Variants in MSH4 observed in about 807,000 individuals in gnomAD.
MSH4 encodes the protein mutS homolog 4, also known as mutS protein homolog 4.
A neutral mutation model predicts 113.7 loss-of-function variants in MSH4; 106 were observed. The ratio of observed to expected loss-of-function variants is 0.93; its 90% CI spans 0.80 to 1.10. The LOEUF (loss-of-function observed/expected upper bound fraction) is 1.10. Among genes scored for constraint, MSH4 ranks in the 50% least tolerant of loss-of-function variants. The pLI is 0.00. For synonymous variants in MSH4, 368 were observed against 380.2 expected (o/e 0.97, Z 0.37); for missense variants, 1,061 against 1,093.7 (o/e 0.97, Z 0.42).
intron 13 of MSH4, 110 bp from the exon 14 acceptor site, chr1:75,881,136 G>T (rs1287899493): frequency 2.4e-6 from 2 of 819,000 alleles, no homozygotes; most frequent in African/African-American, 3.4e-5. Flanking sequence ...GTATAACTCA[G>T]ATGTGAATAT....
In MSH4 at chr1:75,881,331, C is replaced by T. The variant is rs754988641; in HGVS notation, c.1867C>T (p.Leu623=). The change falls in exon 14 of 20, where the codon CTA becomes TTA. Residue 623 remains leucine (L), a synonymous_variant. Coordinates refer to ENST00000263187, the MANE Select transcript of MSH4 (RefSeq NM_002440.4). ...TGACACTGTGTCAATGCTGGATATGCTACTGTCATTTGCTCATGCCTGCAC... is the reference window on the plus strand; with the variant it reads ...TGACACTGTGTCAATGCTGGATATGTTACTGTCATTTGCTCATGCCTGCAC... ...LSDTVSMLDM[L]LSFAHACTLS... The T allele has an allele frequency of 4.3e-6, 7 of 1,611,870 alleles. No individual in the cohort carries two copies. The highest frequency in any genetic ancestry group is 5.9e-6 in the Non-Finnish European group (7 of 1,178,938).
chr1:75,830,735 A>T (rs1404118058), intron 7 of MSH4, among the ~76,000 whole-genome samples: 2 of 152,176 alleles, frequency 1.3e-5, no homozygotes, highest in Non-Finnish European at 2.9e-5. Flanking sequence ...AGACAAACAA[A>T]TGCTGAGAGA....
chr1:75,834,044 C>G (rs971867742), intron 7 of MSH4, among the ~76,000 whole-genome samples: 6 of 152,004 alleles, frequency 3.9e-5, no homozygotes, highest in South Asian at 2.1e-4. Context: ...TCTGACAAAG[C>G]GCTAATATCC....
At chr1:75,848,453 A>G (rs1355819199) in intron 8 of MSH4, among the ~76,000 whole-genome samples, 177 bp downstream of exon 8, 1 of 152,116 alleles carries the variant, frequency 6.6e-6, no homozygotes, top group African/African-American at 2.4e-5. Flanking sequence ...ATTATCCTGT[A>G]TGTTATAGTG....
intron 7 of MSH4, among the ~76,000 whole-genome samples, chr1:75,841,460 A>T (rs1358014568): frequency 2.0e-5 from 3 of 151,942 alleles, no homozygotes; most frequent in South Asian, 2.1e-4. Context: ...AACCTCCCAA[A>T]GTGCTGGGAT....
At chr1:75,844,618 ACC>A (rs1192443875) in intron 7 of MSH4, among the ~76,000 whole-genome samples, 5 of 152,106 alleles carry the variant, frequency 3.3e-5, no homozygotes, top group Non-Finnish European at 5.9e-5. Flanking sequence ...AAGCCACCAC[ACC>A]TGGGCTGAAA....
intron 18 of MSH4, among the ~76,000 whole-genome samples, chr1:75,899,126 G>A (rs1395249648): frequency 1.3e-5 from 2 of 152,070 alleles, no homozygotes; most frequent in East Asian, 3.9e-4. Context: ...AAAAACATGA[G>A]AATTATAATT....
At chr1:75,832,437 A>T (rs948862945) in intron 7 of MSH4, among the ~76,000 whole-genome samples, 1 of 152,192 alleles carries the variant, frequency 6.6e-6, no homozygotes, top group Non-Finnish European at 1.5e-5. Context: ...TCATTTTATG[A>T]GGCTGGCAAC....
chr1:75,882,116 A>G (rs761540829), intron 14 of MSH4, among the ~76,000 whole-genome samples: 3 of 152,056 alleles, frequency 2.0e-5, no homozygotes, highest in Non-Finnish European at 2.9e-5. Flanking sequence ...GGAAATATTA[A>G]CTTTTTCTAT....
chr1:75,813,497 A>T (rs1208195573), intron 4 of MSH4, among the ~76,000 whole-genome samples: 1 of 152,116 alleles, frequency 6.6e-6, no homozygotes, highest in Non-Finnish European at 1.5e-5. Context: ...TTTTTTCATC[A>T]GTAAATTAGG....
intron 13 of MSH4, among the ~76,000 whole-genome samples, 169 bp from the exon 14 acceptor site, chr1:75,881,077 T>G (rs1040583067): frequency 6.6e-6 from 1 of 152,024 alleles, no homozygotes; most frequent in Admixed American, 6.6e-5. Flanking sequence ...AAACTTCAAT[T>G]TCCTCATCTC....
chr1:75,844,778 C>G (rs1039938536), intron 7 of MSH4, among the ~76,000 whole-genome samples: 1 of 152,170 alleles, frequency 6.6e-6, no homozygotes, highest in South Asian at 2.1e-4. Flanking sequence ...ACATGCAAGA[C>G]ACTTTACACA....
intron 8 of MSH4, among the ~76,000 whole-genome samples, chr1:75,865,880 G>A (rs1651551874): frequency 6.8e-6 from 1 of 148,014 alleles, no homozygotes; most frequent in Non-Finnish European, 1.5e-5. Context: ...TAGGTTGAGG[G>A]AAGGGCCATG....
rs569637301 is a variant in MSH4, at chr1:75,848,227, A to G, written c.1181A>G (p.Asp394Gly). 7 of 1,608,664 alleles carry G rather than the reference A, an allele frequency of 4.4e-6. No individual in the cohort carries two copies. In the South Asian group the frequency reaches 7.7e-5, roughly 18 times the overall value. The change falls in exon 8 of 20, where the codon GAT becomes GGT. Residue 394 changes from aspartate to glycine, a missense_variant. Coordinates refer to ENST00000263187, the MANE Select transcript of MSH4 (RefSeq NM_002440.4). ...GLQSVISRFL[D>G]TEQLLSVLVQ... ...GTTTCAGTTATATCAAGATTTCTTG[A>G]TACAGAGCAGCTTCTTTCTGTTTTA...
At chr1:75,805,979 G>T (rs1173230063) in intron 2 of MSH4, among the ~76,000 whole-genome samples, 1 of 151,850 alleles carries the variant, frequency 6.6e-6, no homozygotes, top group African/African-American at 2.4e-5. Context: ...TTCAACATTT[G>T]ATATTGTTAG....
intron 8 of MSH4, among the ~76,000 whole-genome samples, chr1:75,860,162 A>G (rs183321970): frequency 1.5e-3 from 220 of 151,594 alleles, no homozygotes; most frequent in African/African-American, 5.2e-3. Context: ...GTGTCTTTGC[A>G]TGTGTGATGG....
chr1:75,833,970 A>G (rs1414659584), intron 7 of MSH4, among the ~76,000 whole-genome samples: 1 of 152,216 alleles, frequency 6.6e-6, no homozygotes, highest in Non-Finnish European at 1.5e-5. Context: ...TGCACAGCAA[A>G]AGAAACTATC....
At chr1:75,898,930 T>C (rs981921379) in intron 18 of MSH4, among the ~76,000 whole-genome samples, 10 of 152,184 alleles carry the variant, frequency 6.6e-5, no homozygotes, top group African/African-American at 2.4e-4. Context: ...GGGAATAATT[T>C]TTTATATATG....
rs143883790 is a variant in MSH4 at position 75,870,426 on chromosome 1, G to C, written c.1305+2838G>C. ...AAATGTGAAGACATGAGATTTGGCA[G>C]GGGCTAGGGGCAGAATTATATGGTT... On this transcript the variant is annotated intron_variant, in intron 9 of 19. Transcript: ENST00000263187. Among the ~76,000 whole-genome samples, 3 of 152,278 alleles carry C rather than the reference G, an allele frequency of 2.0e-5. No individual in the cohort carries two copies. In the East Asian group the frequency reaches 5.8e-4, roughly 29 times the overall value.
Sources: gnomAD v4.1 joint callset for allele counts (sites outside exome capture counted in the v4.1 genomes callset) on GRCh38, gnomAD v4.1.1 for gene constraint, MANE v1.5 for transcripts, NCBI Gene and HGNC (gene_info 2026-07-23, HGNC 2026-07-21) for gene names.